The following PIK3C2G variants were observed in gnomAD, a reference collection of about 807,000 sequenced individuals.
PIK3C2G encodes the protein phosphatidylinositol-4-phosphate 3-kinase catalytic subunit type 2 gamma, also known as phosphatidylinositol 3-kinase C2 domain-containing subunit gamma.
PIK3C2G carries 168 observed loss-of-function variants against 181.1 expected under a neutral mutation model. The ratio of observed to expected loss-of-function variants is 0.93; its 90% confidence interval spans 0.82 to 1.05. The LOEUF (loss-of-function observed/expected upper bound fraction) is 1.05, where lower values mean the gene tolerates loss of function less well. Ranked by LOEUF, PIK3C2G falls within the 50% of genes least tolerant of loss-of-function variation. The pLI is 0.00. For missense variants in PIK3C2G, 1,869 were observed against 1,732.8 expected, an observed-to-expected ratio of 1.08 and a Z score of -1.40; for synonymous variants, 573 against 592.2, an observed-to-expected ratio of 0.97 and a Z score of 0.47.
intron 31 of PIK3C2G, among the ~76,000 whole-genome samples, chr12:18,632,266 T>C (rs552662231): frequency 2.0e-5 from 3 of 152,318 alleles, no homozygotes; most frequent in African/African-American, 7.2e-5. Context: ...TCCTAGGAAA[T>C]AAAAATAATA....
In PIK3C2G at chr12:18,609,551, C is replaced by G; in HGVS notation, c.4104C>G (p.Asp1368Glu). The G allele has an allele frequency of 6.3e-7, 1 of 1,581,606 alleles. No individual in the cohort carries two copies. Among genetic ancestry groups the G allele is most frequent in the Non-Finnish European group, 8.6e-7 (1 of 1,161,078 alleles). Reference sequence around the variant, plus strand: ...TTTTATCAGGTGAGAAGTTTCCAGACAAGAAGCCTAAGGTGCAGTTAGTCA... The same window carrying G: ...TTTTATCAGGTGAGAAGTTTCCAGAGAAGAAGCCTAAGGTGCAGTTAGTCA... ...SPVYLGEKFP[D>E]KKPKVQLVIS... is the part of the protein sequence containing the mutation. The change falls in exon 31 of 33, where the codon GAC (aspartate) becomes GAG (glutamate). Residue 1368 changes from aspartate to glutamate, a missense_variant. Asp to Glu is a conservative substitution (Grantham distance 45). Transcript: ENST00000538779.
intron 31 of PIK3C2G, among the ~76,000 whole-genome samples, chr12:18,611,372 G>A (rs1163209170): frequency 6.6e-6 from 1 of 152,084 alleles, no homozygotes; most frequent in Non-Finnish European, 1.5e-5. Context: ...CAGTTTACTT[G>A]CTAGTTCCTC....
At chr12:18,552,062 AGGG>A (rs1426072812) in intron 26 of PIK3C2G, among the ~76,000 whole-genome samples, 1 of 152,048 alleles carries the variant, frequency 6.6e-6, no homozygotes, top group Non-Finnish European at 1.5e-5. Context: ...AAGTCTTAGG[AGGG>A]GCCATTAGGC....
At chr12:18,683,022 C>T in the PIK3C2G span, 1 of 535,846 alleles carries the variant, frequency 1.9e-6, no homozygotes. Context: ...GAGAAATCAG[C>T]AAACAAGAAC....
At position 18,395,134 on chromosome 12, in the gene PIK3C2G, T is replaced by TTC. The variant is rs150594401; in HGVS notation, c.2126+3895_2126+3896dup. Reference sequence around the variant, plus strand: ...TTCTTTCTCTCTTTCCCTTCTTTCTTTCTCTCTCTCTCTCACACACACGCA... The same window carrying TTC: ...TTCTTTCTCTCTTTCCCTTCTTTCTTTCTCTCTCTCTCTCTCACACACACGCA... On this transcript the variant is annotated intron_variant, in intron 15 of 32. Coordinates refer to ENST00000538779, the MANE Select transcript of PIK3C2G (RefSeq NM_001288772.2). Among the ~76,000 whole-genome samples, 115 of 149,914 alleles carry TTC rather than the reference T, an allele frequency of 7.7e-4. 1 individual carries two copies. Among genetic ancestry groups the TTC allele is most frequent in the African/African-American group, 6.1e-4 (25 of 41,004 alleles).
chr12:18,347,098 T>C (rs2137665970), intron 11 of PIK3C2G, among the ~76,000 whole-genome samples: 1 of 152,306 alleles, frequency 6.6e-6, no homozygotes, highest in South Asian at 2.1e-4. Flanking sequence ...AAATACTAAT[T>C]CCATTTAGTG....
At chr12:18,296,452 T>G (rs546907407) in intron 5 of PIK3C2G, among the ~76,000 whole-genome samples, 166 of 152,130 alleles carry the variant, frequency 1.1e-3, no homozygotes, top group Non-Finnish European at 2.0e-3. Flanking sequence ...AAGCCAAGAA[T>G]GGTAATGACT....
the PIK3C2G span, among the ~76,000 whole-genome samples, chr12:18,724,836 A>G: frequency 6.6e-6 from 1 of 152,148 alleles, no homozygotes; most frequent in Non-Finnish European, 1.5e-5. Flanking sequence ...AATTTTGGTT[A>G]TAGAAAATTA....
At chr12:18,401,421 C>T (rs1318605749) in intron 16 of PIK3C2G, among the ~76,000 whole-genome samples, 1 of 152,054 alleles carries the variant, frequency 6.6e-6, no homozygotes, top group East Asian at 1.9e-4. Context: ...TGATCCTACC[C>T]CTTTTTCTGG....
At chr12:18,290,805 G>C in intron 3 of PIK3C2G, 50 bp from the exon 4 acceptor site, 1 of 1,168,896 alleles carries the variant, frequency 8.6e-7, no homozygotes, top group Non-Finnish European at 1.3e-6. Context: ...GTTTTAAACT[G>C]TGTCTTGCAG....
intron 31 of PIK3C2G, among the ~76,000 whole-genome samples, chr12:18,633,506 C>T (rs1949447991): frequency 6.6e-6 from 1 of 152,156 alleles, no homozygotes; most frequent in Non-Finnish European, 1.5e-5. Flanking sequence ...GTAGGGTAAC[C>T]CAAACCTTCA....
At chr12:18,245,590 T>C (rs561591524), upstream of PIK3C2G, among the ~76,000 whole-genome samples, 1 of 152,262 alleles carries the variant, frequency 6.6e-6, no homozygotes, top group South Asian at 2.1e-4. Context: ...ATTTTATTAA[T>C]TATCATTATA....
At chr12:18,582,951 G>T (rs1021295280) in intron 29 of PIK3C2G, among the ~76,000 whole-genome samples, 1 of 152,106 alleles carries the variant, frequency 6.6e-6, no homozygotes, top group Non-Finnish European at 1.5e-5. Context: ...CACAGAGAGG[G>T]ACAGGCTGCC....
chr12:18,450,655 C>T (rs1006466120), intron 18 of PIK3C2G, among the ~76,000 whole-genome samples: 14 of 152,180 alleles, frequency 9.2e-5, no homozygotes, highest in Admixed American at 3.9e-4. Flanking sequence ...AGTCTTTGCT[C>T]GTGCCTATGT....
chr12:18,541,249 C>A (rs1365793050), intron 25 of PIK3C2G, among the ~76,000 whole-genome samples: 2 of 151,872 alleles, frequency 1.3e-5, no homozygotes, highest in African/African-American at 4.8e-5. Context: ...AATGGCTCAT[C>A]CTTAGTAAAG....
chr12:18,696,178 T>G, the PIK3C2G span: 1 of 1,580,946 alleles, frequency 6.3e-7, no homozygotes, highest in South Asian at 1.1e-5. Flanking sequence ...TCCAAAATTC[T>G]TGGGGATTAA....
chr12:18,572,619 T>C (rs1010060851), intron 29 of PIK3C2G, among the ~76,000 whole-genome samples: 6 of 151,924 alleles, frequency 3.9e-5, no homozygotes, highest in African/African-American at 9.6e-5. Flanking sequence ...TGTGCTATGA[T>C]GTCTTTCATC....
intron 24 of PIK3C2G, among the ~76,000 whole-genome samples, chr12:18,527,914 A>G (rs1202828991): frequency 6.6e-6 from 1 of 152,126 alleles, no homozygotes; most frequent in Non-Finnish European, 1.5e-5. Context: ...AGGGACTTCC[A>G]GGGGTCTAAT....
intron 17 of PIK3C2G, among the ~76,000 whole-genome samples, chr12:18,422,894 G>A (rs1278936503): frequency 6.6e-6 from 1 of 152,102 alleles, no homozygotes; most frequent in African/African-American, 2.4e-5. Flanking sequence ...CATGGCTACA[G>A]TTTAAGACAG....
Sources: allele counts gnomAD v4.1 joint callset (sites outside exome capture counted in the v4.1 genomes callset), GRCh38; gene constraint gnomAD v4.1.1; transcripts MANE v1.5; gene names NCBI Gene and HGNC (gene_info 2026-07-23, HGNC 2026-07-21).